LINGO2: variants seen among roughly 807,000 people sequenced by gnomAD.
The protein encoded by LINGO2 is leucine rich repeat and Ig domain containing 2, also known as leucine-rich repeat and immunoglobulin-like domain-containing nogo receptor-interacting protein 2.
In LINGO2, 14 loss-of-function variants were observed where a neutral mutation model predicts 30.6. The observed-to-expected ratio is 0.46, with a 90% CI of 0.30 to 0.72. The LOEUF is 0.72. LINGO2 is among the 30% of genes least tolerant of loss of function. The pLI, the probability that LINGO2 is intolerant of heterozygous loss-of-function variation, is 0.07. For missense variants in LINGO2, 729 were observed against 751.7 expected (o/e 0.97, Z 0.35); for synonymous variants, 317 against 288.5 (o/e 1.10, Z -1.00).
At chr9:28,788,390 G>A in the LINGO2 span, among the ~76,000 whole-genome samples, 2 of 152,138 alleles carry the variant, frequency 1.3e-5, no homozygotes, top group Admixed American at 1.3e-4. Flanking sequence ...TAAAGACCTG[G>A]TGAACAATTT....
At chr9:28,826,179 C>G in the LINGO2 span, among the ~76,000 whole-genome samples, 1 of 152,232 alleles carries the variant, frequency 6.6e-6, no homozygotes, top group Admixed American at 6.5e-5. Context: ...CATGGCCAAA[C>G]CAGTGTATAT....
the LINGO2 span, among the ~76,000 whole-genome samples, chr9:29,013,473 C>T: frequency 7.3e-5 from 11 of 151,546 alleles, no homozygotes; most frequent in Non-Finnish European, 1.3e-4. Flanking sequence ...CATCCCAAGA[C>T]AATAATGTAA....
chr9:29,177,089 G>T, the LINGO2 span, among the ~76,000 whole-genome samples: 1 of 152,206 alleles, frequency 6.6e-6, no homozygotes, highest in East Asian at 1.9e-4. Flanking sequence ...TTAAAGTATA[G>T]GTCAGCAAGT....
intron 2 of LINGO2, among the ~76,000 whole-genome samples, chr9:28,425,457 T>C (rs1420717321): frequency 6.6e-6 from 1 of 151,810 alleles, no homozygotes; most frequent in Non-Finnish European, 1.5e-5. Flanking sequence ...AGAGGATAAA[T>C]CACCTGCTCT....
intron 2 of LINGO2, among the ~76,000 whole-genome samples, chr9:28,374,625 G>A (rs1402786471): frequency 6.6e-6 from 1 of 152,020 alleles, no homozygotes; most frequent in African/African-American, 2.4e-5. Flanking sequence ...AAGGATGGAA[G>A]CTCTATCCTT....
At chr9:28,359,095 C>A (rs1311820678) in intron 3 of LINGO2, among the ~76,000 whole-genome samples, 3 of 152,116 alleles carry the variant, frequency 2.0e-5, no homozygotes, top group Non-Finnish European at 2.9e-5. Context: ...CTTTACCTAA[C>A]CCAAACTTCT....
intron 4 of LINGO2, among the ~76,000 whole-genome samples, chr9:28,028,355 G>A (rs7848817): frequency 0.16 from 24,699 of 152,048 alleles, 2,161 homozygotes; most frequent in South Asian, 0.26. Context: ...TTTTCAAGCT[G>A]CTCTACCTGT....
the LINGO2 span, among the ~76,000 whole-genome samples, chr9:28,684,922 C>T: frequency 1.4e-4 from 21 of 152,110 alleles, no homozygotes; most frequent in Middle Eastern, 3.4e-3. Context: ...CAGATTATTT[C>T]GTCACCCAGG....
chr9:28,200,063 A>G (rs2133816136), intron 4 of LINGO2, among the ~76,000 whole-genome samples: 1 of 152,194 alleles, frequency 6.6e-6, no homozygotes, highest in South Asian at 2.1e-4. Context: ...ACAAGCAAAC[A>G]ACAATTACAA....
intron 1 of LINGO2, among the ~76,000 whole-genome samples, chr9:28,582,681 C>T (rs1824317578): frequency 6.6e-6 from 1 of 152,090 alleles, no homozygotes; most frequent in Non-Finnish European, 1.5e-5. Context: ...GAACAGCAGA[C>T]TTCCAAAAAC....
At chr9:29,068,333 C>T in the LINGO2 span, among the ~76,000 whole-genome samples, 2 of 151,354 alleles carry the variant, frequency 1.3e-5, no homozygotes, top group Non-Finnish European at 3.0e-5. Context: ...AGATGTCCAC[C>T]GCATATAAAA....
the LINGO2 span, among the ~76,000 whole-genome samples, chr9:29,187,885 G>A: frequency 6.9e-6 from 1 of 144,598 alleles, no homozygotes; most frequent in African/African-American, 2.5e-5. Flanking sequence ...CACTTTACCA[G>A]AAATGTAGCT....
intron 4 of LINGO2, among the ~76,000 whole-genome samples, chr9:28,022,415 T>G (rs1013813890): frequency 6.6e-6 from 1 of 152,090 alleles, no homozygotes; most frequent in Non-Finnish European, 1.5e-5. Flanking sequence ...ACACTCTTCT[T>G]AATATAGGTA....
intron 1 of LINGO2, among the ~76,000 whole-genome samples, chr9:28,581,588 TTAA>T (rs1824261201): frequency 6.6e-6 from 1 of 151,604 alleles, no homozygotes; most frequent in Admixed American, 6.6e-5. Flanking sequence ...CATGATCAGT[TTAA>T]TAATATGTCA....
the LINGO2 span, among the ~76,000 whole-genome samples, chr9:29,110,696 T>C: frequency 1.3e-5 from 2 of 149,424 alleles, no homozygotes; most frequent in African/African-American, 4.9e-5. Context: ...ACTTTGTTTT[T>C]TTTTCTTTTG....
At chr9:28,167,653 T>C (rs1346132203) in intron 4 of LINGO2, among the ~76,000 whole-genome samples, 1 of 152,192 alleles carries the variant, frequency 6.6e-6, no homozygotes, top group Non-Finnish European at 1.5e-5. Flanking sequence ...TCCCAGAGTA[T>C]TGGGATTACA....
intron 4 of LINGO2, among the ~76,000 whole-genome samples, chr9:28,281,027 ACTTT>A (rs1823304424): frequency 6.6e-6 from 1 of 152,096 alleles, no homozygotes; most frequent in Non-Finnish European, 1.5e-5. Flanking sequence ...CTTTTAAAAA[ACTTT>A]CTTTCAAATA....
the LINGO2 span, among the ~76,000 whole-genome samples, chr9:29,087,367 A>T: frequency 6.6e-6 from 1 of 152,188 alleles, no homozygotes; most frequent in African/African-American, 2.4e-5. Context: ...GGTACACATT[A>T]AGCCGCTAGT....
the LINGO2 span, among the ~76,000 whole-genome samples, chr9:28,933,615 C>G: frequency 2.0e-5 from 3 of 152,084 alleles, no homozygotes; most frequent in Non-Finnish European, 4.4e-5. Flanking sequence ...GAATCAAAAT[C>G]CGGACAAACA....
Sources: gnomAD v4.1 joint callset for allele counts (sites outside exome capture counted in the v4.1 genomes callset) on GRCh38, gnomAD v4.1.1 for gene constraint, MANE v1.5 for transcripts, NCBI Gene and HGNC (gene_info 2026-07-23, HGNC 2026-07-21) for gene names.